The following ARHGAP15 variants were observed in gnomAD, a reference collection of about 807,000 sequenced individuals.
The protein encoded by ARHGAP15 is rho GTPase-activating protein 15.
In ARHGAP15, 51 loss-of-function variants were observed where a neutral mutation model predicts 63.7. That is an observed-to-expected ratio of 0.80 (90% confidence interval 0.64 to 1.01). ARHGAP15 has a LOEUF of 1.01. Among genes scored for constraint, ARHGAP15 ranks in the 50% least tolerant of loss-of-function variants. The pLI is 0.00. For synonymous variants in ARHGAP15, 191 were observed against 193.8 expected (o/e 0.99, Z 0.12); for missense variants, 560 against 564.6 (o/e 0.99, Z 0.08).
intron 11 of ARHGAP15, among the ~76,000 whole-genome samples, chr2:143,573,493 A>T (rs1696546328): frequency 6.6e-6 from 1 of 152,212 alleles, no homozygotes; most frequent in African/African-American, 2.4e-5. Flanking sequence ...TAATTGTTAC[A>T]GAGTAAAAAT....
chr2:143,723,446 A>G (rs961366949), intron 13 of ARHGAP15, among the ~76,000 whole-genome samples: 7 of 152,298 alleles, frequency 4.6e-5, no homozygotes, highest in East Asian at 3.9e-4. Context: ...TGTGGAGCTC[A>G]TTGGGAAGAG....
rs1240376318 is a variant in ARHGAP15 at position 143,296,783 on chromosome 2, G to C, written c.474+46183G>C. Among the ~76,000 whole-genome samples, 3 of 150,566 alleles carry C rather than the reference G, an allele frequency of 2.0e-5. No individual in the cohort carries two copies. In the South Asian group the frequency reaches 6.2e-4, roughly 31 times the overall value. On this transcript the variant is annotated intron_variant, in intron 6 of 13. Coordinates refer to ENST00000295095, the MANE Select transcript of ARHGAP15 (RefSeq NM_018460.4). ...TACTATTTCATCGCCTGTGTATTAA[G>C]CCCAGTACCCAATAGTTATTCTTCC...
chr2:143,436,075 A>T (rs956629086), intron 7 of ARHGAP15, among the ~76,000 whole-genome samples: 3 of 152,084 alleles, frequency 2.0e-5, no homozygotes, highest in African/African-American at 7.2e-5. Context: ...TCACTGTTAT[A>T]ATACCAATAA....
intron 10 of ARHGAP15, among the ~76,000 whole-genome samples, chr2:143,551,630 A>G (rs977361645): frequency 2.0e-5 from 3 of 152,180 alleles, no homozygotes; most frequent in Admixed American, 2.0e-4. Context: ...TTATGAAGTC[A>G]TATAGTTATC....
At chr2:143,411,244 C>CATTA (rs10695420) in intron 6 of ARHGAP15, among the ~76,000 whole-genome samples, 133,335 of 151,736 alleles carry the variant, frequency 0.88, 59,146 homozygotes, top group Middle Eastern at 0.97. Flanking sequence ...GGAAAGGGTA[C>CATTA]ATTAAGATAC....
intron 6 of ARHGAP15, among the ~76,000 whole-genome samples, chr2:143,339,922 G>A (rs941134443): frequency 1.3e-5 from 2 of 152,118 alleles, no homozygotes; most frequent in Non-Finnish European, 2.9e-5. Context: ...CAACTTTGTA[G>A]ATGGCCCATA....
intron 8 of ARHGAP15, among the ~76,000 whole-genome samples, chr2:143,445,153 A>ACTTTTTTT (rs765945989): frequency 0.049 from 3,666 of 74,294 alleles, 225 homozygotes; most frequent in Middle Eastern, 0.061. Context: ...AAGAACAATT[A>ACTTTTTTT]TTTTTTTTTT....
At chr2:143,652,033 G>A (rs1293681938) in intron 12 of ARHGAP15, among the ~76,000 whole-genome samples, 3 of 151,934 alleles carry the variant, frequency 2.0e-5, no homozygotes, top group South Asian at 4.1e-4. Context: ...GTAAGTAGAG[G>A]TTTATTTTGA....
intron 2 of ARHGAP15, among the ~76,000 whole-genome samples, chr2:143,198,352 T>A (rs1369820258): frequency 6.6e-6 from 1 of 152,078 alleles, no homozygotes; most frequent in African/African-American, 2.4e-5. Context: ...CAGTTTCTAT[T>A]TTGAGTCTTC....
At chr2:143,192,401 T>G (rs1691718134) in intron 2 of ARHGAP15, among the ~76,000 whole-genome samples, 1 of 152,238 alleles carries the variant, frequency 6.6e-6, no homozygotes, top group Admixed American at 6.5e-5. Flanking sequence ...ACACCCTGAA[T>G]TCAATCACCC....
chr2:143,566,548 T>G (rs1375957822), intron 11 of ARHGAP15, among the ~76,000 whole-genome samples: 1 of 152,170 alleles, frequency 6.6e-6, no homozygotes, highest in Non-Finnish European at 1.5e-5. Flanking sequence ...TACTAGGATC[T>G]GCAGGCATCC....
intron 6 of ARHGAP15, among the ~76,000 whole-genome samples, chr2:143,336,332 A>C (rs1461702936): frequency 6.6e-6 from 1 of 152,204 alleles, no homozygotes; most frequent in African/African-American, 2.4e-5. Flanking sequence ...TGATAGAGAA[A>C]CAGCCAGAGA....
intron 11 of ARHGAP15, among the ~76,000 whole-genome samples, chr2:143,621,872 G>A (rs1290901030): frequency 6.6e-6 from 1 of 152,144 alleles, no homozygotes; most frequent in Non-Finnish European, 1.5e-5. Flanking sequence ...TGCTGCTGTT[G>A]TTTCCTTGCT....
chr2:143,701,603 C>A (rs1345488909), intron 12 of ARHGAP15, among the ~76,000 whole-genome samples: 1 of 152,096 alleles, frequency 6.6e-6, no homozygotes, highest in African/African-American at 2.4e-5. Context: ...TGGTGGCATG[C>A]ACCCGTGGTC....
intron 11 of ARHGAP15, among the ~76,000 whole-genome samples, chr2:143,610,955 C>T (rs1156421130): frequency 2.6e-5 from 4 of 152,108 alleles, no homozygotes; most frequent in South Asian, 2.1e-4. Context: ...TCTCGAACTC[C>T]TCACCTCAAG....
intron 8 of ARHGAP15, among the ~76,000 whole-genome samples, chr2:143,464,690 T>A (rs1691118545): frequency 6.6e-6 from 1 of 152,176 alleles, no homozygotes; most frequent in South Asian, 2.1e-4. Context: ...AGTCAAAACA[T>A]CTCAAGAAGT....
At chr2:143,628,439 C>T (rs559117555) in intron 12 of ARHGAP15, among the ~76,000 whole-genome samples, 8 of 152,276 alleles carry the variant, frequency 5.3e-5, no homozygotes, top group African/African-American at 9.6e-5. Flanking sequence ...CTGTTGCACC[C>T]GGTCAAAGCC....
At chr2:143,186,384 T>C (rs1476662812) in intron 2 of ARHGAP15, among the ~76,000 whole-genome samples, 1 of 152,182 alleles carries the variant, frequency 6.6e-6, no homozygotes, top group Non-Finnish European at 1.5e-5. Context: ...TTCTTGTTCT[T>C]GGGGGGAAAA....
chr2:143,372,003 A>G (rs1686579881), intron 6 of ARHGAP15, among the ~76,000 whole-genome samples: 1 of 133,474 alleles, frequency 7.5e-6, no homozygotes, highest in African/African-American at 3.0e-5. Flanking sequence ...GTTCCCCACG[A>G]GCCTATGGAA....
Sources: allele counts gnomAD v4.1 joint callset (sites outside exome capture counted in the v4.1 genomes callset), GRCh38; gene constraint gnomAD v4.1.1; transcripts MANE v1.5; gene names NCBI Gene and HGNC (gene_info 2026-07-23, HGNC 2026-07-21).